NPAS3: variants seen among roughly 807,000 people sequenced by gnomAD.
NPAS3 encodes neuronal PAS domain-containing protein 3.
A neutral mutation model predicts 73.1 loss-of-function variants in NPAS3; 14 were observed. That is an observed-to-expected ratio of 0.19 (90% CI 0.13 to 0.30). The LOEUF is 0.30. Among genes scored for constraint, NPAS3 ranks in the 10% least tolerant of loss-of-function variants. The probability of loss-of-function intolerance (pLI) is 1.00; values close to 1 mark genes in which losing one functional copy is unlikely to be tolerated. For missense variants in NPAS3, 1,096 were observed against 1,250.0 expected (o/e 0.88, Z 1.86); for synonymous variants, 620 against 541.5 (o/e 1.14, Z -2.01).
intron 3 of NPAS3, among the ~76,000 whole-genome samples, chr14:33,291,056 C>T (rs143998903): frequency 2.4e-4 from 37 of 151,952 alleles, no homozygotes; most frequent in Admixed American, 7.2e-4. Flanking sequence ...CTTTGCAATA[C>T]GAATGGCTTT....
chr14:33,661,372 G>T (rs2059303325), intron 5 of NPAS3, among the ~76,000 whole-genome samples: 2 of 152,168 alleles, frequency 1.3e-5, no homozygotes, highest in Admixed American at 6.6e-5. Context: ...TACAAAATAA[G>T]CATGTTGCTA....
At chr14:32,986,369 G>T (rs2038099426) in intron 1 of NPAS3, among the ~76,000 whole-genome samples, 1 of 152,068 alleles carries the variant, frequency 6.6e-6, no homozygotes, top group Non-Finnish European at 1.5e-5. Context: ...TAGTCTACTG[G>T]GTGCCTTCCT....
At chr14:33,017,059 C>T (rs7146100) in intron 1 of NPAS3, among the ~76,000 whole-genome samples, 16,872 of 152,002 alleles carry the variant, frequency 0.11, 989 homozygotes, top group East Asian at 0.23. Context: ...TAAATGAGCC[C>T]CTAACTGCCT....
At chr14:32,970,964 A>T (rs1213328566) in intron 1 of NPAS3, among the ~76,000 whole-genome samples, 1 of 152,052 alleles carries the variant, frequency 6.6e-6, no homozygotes, top group Non-Finnish European at 1.5e-5. Flanking sequence ...AGTCCAACCC[A>T]TGACACCTAC....
chr14:33,001,513 G>A (rs1009196597), intron 1 of NPAS3, among the ~76,000 whole-genome samples: 19 of 152,022 alleles, frequency 1.2e-4, no homozygotes, highest in Admixed American at 1.2e-3. Context: ...TGGAGCTTAC[G>A]TGCCCTGCCG....
At chr14:33,662,399 C>G (rs888536415) in intron 5 of NPAS3, among the ~76,000 whole-genome samples, 19 of 152,312 alleles carry the variant, frequency 1.2e-4, no homozygotes, top group South Asian at 6.2e-4. Context: ...CTACTGAGTT[C>G]TCTTGGGAGA....
intron 5 of NPAS3, among the ~76,000 whole-genome samples, chr14:33,615,530 A>T (rs1451150572): frequency 6.6e-6 from 1 of 152,186 alleles, no homozygotes; most frequent in Non-Finnish European, 1.5e-5. Context: ...TCAGTGTGTC[A>T]ATCCTGGTGA....
intron 2 of NPAS3, among the ~76,000 whole-genome samples, chr14:33,147,125 A>G (rs980197291): frequency 6.6e-6 from 1 of 152,206 alleles, no homozygotes; most frequent in African/African-American, 2.4e-5. Flanking sequence ...CAACCTTACA[A>G]TAATTGAATG....
chr14:33,632,059 A>G (rs2058391990), intron 5 of NPAS3, among the ~76,000 whole-genome samples: 2 of 152,186 alleles, frequency 1.3e-5, no homozygotes. Flanking sequence ...CACGTTGAAA[A>G]TAGATTGTGA....
exon 12 of NPAS3, chr14:33,799,836 A>C: frequency 6.2e-7 from 1 of 1,614,118 alleles, no homozygotes; most frequent in Non-Finnish European, 8.5e-7. Flanking sequence ...TGTGACAACG[A>C]CATGAACTGC....
At chr14:33,345,536 G>A (rs10146212) in intron 3 of NPAS3, among the ~76,000 whole-genome samples, 67,153 of 152,046 alleles carry the variant, frequency 0.44, 15,356 homozygotes, top group East Asian at 0.61. Flanking sequence ...TTCTAGGTCA[G>A]GAGATCCTTA....
chr14:33,657,947 G>A lies in NPAS3; in HGVS notation c.559-18264G>A, dbSNP rs1438093749. ...GTAAATATCGCCACTTACTCCAAGC[G>A]CACGCTCCTCGAAGCTCCTACAAAT... On this transcript the variant is annotated intron_variant, in intron 5 of 11. Coordinates refer to ENST00000356141, the Ensembl canonical transcript of NPAS3. Among the ~76,000 whole-genome samples the A allele has an allele frequency of 3.9e-5, 6 of 152,162 alleles. No homozygotes were observed. The East Asian group carries it at 7.7e-4, about 20-fold the overall frequency.
intron 4 of NPAS3, among the ~76,000 whole-genome samples, chr14:33,385,781 C>T (rs533493234): frequency 3.3e-5 from 5 of 152,218 alleles, no homozygotes; most frequent in African/African-American, 1.2e-4. Flanking sequence ...TGCATCTGCT[C>T]GGGTTATGTC....
At chr14:33,395,550 A>G (rs1351788823) in intron 4 of NPAS3, among the ~76,000 whole-genome samples, 1 of 152,120 alleles carries the variant, frequency 6.6e-6, no homozygotes, top group Non-Finnish European at 1.5e-5. Context: ...ACGTATACAT[A>G]CATACATATA....
intron 1 of NPAS3, among the ~76,000 whole-genome samples, chr14:32,976,905 G>A (rs1340630984): frequency 6.6e-6 from 1 of 151,998 alleles, no homozygotes; most frequent in Non-Finnish European, 1.5e-5. Flanking sequence ...TTCTAGTAAC[G>A]GTGACTCAGT....
At chr14:33,614,232 G>C (rs1048325446) in intron 5 of NPAS3, among the ~76,000 whole-genome samples, 1 of 152,220 alleles carries the variant, frequency 6.6e-6, no homozygotes, top group African/African-American at 2.4e-5. Flanking sequence ...AAGCATCTCT[G>C]AGTTAGGGTG....
rs1160441367 is a variant in NPAS3, at chr14:33,345,582, A to G, written c.386-21604A>G. On this transcript the variant is annotated intron_variant, in intron 3 of 11. Transcript: ENST00000356141. ...TTACTTTAGAGTGCATTTATAGCCC[A>G]TGGAAGGAAGTAGATTGATATTCTT... is the stretch of plus-strand genomic sequence containing the variant. Among the ~76,000 whole-genome samples, 8 of 152,230 alleles carry G rather than the reference A, an allele frequency of 5.3e-5. 1 individual carries two copies. The highest frequency in any genetic ancestry group is 1.9e-4 in the African/African-American group (8 of 41,454).
intron 2 of NPAS3, among the ~76,000 whole-genome samples, chr14:33,149,401 G>A (rs576172219): frequency 3.2e-4 from 49 of 152,306 alleles, no homozygotes; most frequent in South Asian, 2.5e-3. Flanking sequence ...AGTCAAGGTT[G>A]TGCTTAATCA....
intron 5 of NPAS3, among the ~76,000 whole-genome samples, chr14:33,649,322 G>A (rs913055371): frequency 6.6e-6 from 1 of 152,180 alleles, no homozygotes; most frequent in African/African-American, 2.4e-5. Context: ...GTTTCACCCT[G>A]CCCGTTGACA....
Sources: gnomAD v4.1 joint callset for allele counts (sites outside exome capture counted in the v4.1 genomes callset) on GRCh38, gnomAD v4.1.1 for gene constraint, MANE v1.5 for transcripts, NCBI Gene and HGNC (gene_info 2026-07-23, HGNC 2026-07-21) for gene names.